Variants in TEX38 observed in about 807,000 individuals in gnomAD.
TEX38 encodes testis-expressed protein 38.
In TEX38, 5 loss-of-function variants were observed where a neutral mutation model predicts 2.7. The ratio of observed to expected loss-of-function variants is 1.86; its 90% confidence interval spans 0.97 to 3.90. The LOEUF is 3.90. TEX38 is among the 30% of genes most tolerant of loss of function. The pLI is 0.00. For missense variants in TEX38, 218 were observed against 247.9 expected (o/e 0.88, Z 0.81); for synonymous variants, 110 against 103.3 (o/e 1.06, Z -0.39).
rs768852574 is a variant in TEX38, at chr1:46,673,055, C to T, written c.220C>T (p.Arg74Cys). 2.1e-5 allele frequency: 32 copies of T among 1,551,750 alleles called. No homozygotes were observed. Among genetic ancestry groups the T allele is most frequent in the East Asian group, 2.4e-5 (1 of 40,918 alleles). Reference sequence around the variant, plus strand: ...GTTGTACTGGATTAACAAGCGACGGCGCTACGGCATGAATGCAGCCATCAA... The same window carrying T: ...GTTGTACTGGATTAACAAGCGACGGTGCTACGGCATGAATGCAGCCATCAA... ...PLLYWINKRR[R>C]YGMNAAINTG... Residue 74 changes from arginine (R) to cysteine (C), a missense_variant, in exon 2 of 2, where the codon CGC (arginine) becomes TGC (cysteine). Arg to Cys is a radical substitution (Grantham distance 180, BLOSUM62 -3). Coordinates refer to ENST00000334122, the MANE Select transcript of TEX38 (RefSeq NM_001145474.4).
At chr1:46,672,011 T>C (rs1407978492) in intron 1 of TEX38, 40 bp downstream of exon 1, 23 of 1,491,914 alleles carry the variant, frequency 1.5e-5, no homozygotes, top group Non-Finnish European at 2.0e-5. Flanking sequence ...ACTTGTGCCT[T>C]AGGGCTTGGG....
intron 1 of TEX38, among the ~76,000 whole-genome samples, chr1:46,672,250 T>TTC (rs1676596026): frequency 6.6e-6 from 1 of 151,760 alleles, no homozygotes; most frequent in East Asian, 1.9e-4. Flanking sequence ...CTTTCACTTT[T>TTC]TTTTTTTTTT....
chr1:46,672,606 T>G (rs1386902379), intron 1 of TEX38, among the ~76,000 whole-genome samples: 2 of 152,340 alleles, frequency 1.3e-5, no homozygotes, highest in East Asian at 3.9e-4. Context: ...GAGGCTTGAC[T>G]GAGCCTGGGC....
At chr1:46,670,210 G>A (rs1676563460), upstream of TEX38, among the ~76,000 whole-genome samples, 1 of 152,090 alleles carries the variant, frequency 6.6e-6, no homozygotes, top group Non-Finnish European at 1.5e-5. Flanking sequence ...TAAAGTGATA[G>A]TGATAAAAAA....
At chr1:46,671,103 C>A (rs1276292545), upstream of TEX38, among the ~76,000 whole-genome samples, 1 of 152,128 alleles carries the variant, frequency 6.6e-6, no homozygotes, top group East Asian at 1.9e-4. Flanking sequence ...TGATTCTGGG[C>A]AGTCTGTCAC....
rs561158564 is a variant in TEX38 at position 46,673,495 on chromosome 1, G to A, written c.*39G>A. 2.3e-5 allele frequency: 34 copies of A among 1,496,598 alleles called. No individual in the cohort carries two copies. In the South Asian group the frequency reaches 3.5e-4, roughly 15 times the overall value. 92.7% of individuals were successfully genotyped at this position (1,496,598 alleles called of 1,614,324 possible). ...AAGGTGGGAGCTGCAGGAATCAGGTGCAGAGTAGGAAATGGAACTAACCTC... is the reference window on the plus strand; with the variant it reads ...AAGGTGGGAGCTGCAGGAATCAGGTACAGAGTAGGAAATGGAACTAACCTC... On this transcript the variant is annotated 3_prime_UTR_variant, in exon 2 of 2. Transcript: ENST00000334122.
rs777283884 is a variant in TEX38 at position 46,673,343 on chromosome 1, G to C, written c.508G>C (p.Val170Leu). 7.1e-6 allele frequency: 11 copies of C among 1,551,668 alleles called. No individual in the cohort carries two copies. In the South Asian group the frequency reaches 9.5e-5, roughly 13 times the overall value. Residue 170 changes from valine to leucine, a missense_variant, in exon 2 of 2, where the codon GTC becomes CTC. Transcript: ENST00000334122. The part of the protein sequence containing the change: ...CNLPPLLNHS[V>L]SYPLATCPER... ...CCTACCCCCCCTGCTGAACCACTCT[G>C]TCTCCTATCCTTTGGCCACCTGTCC...
upstream of TEX38, among the ~76,000 whole-genome samples, chr1:46,670,852 G>A (rs948146778): frequency 6.6e-6 from 1 of 152,134 alleles, no homozygotes; most frequent in Non-Finnish European, 1.5e-5. Context: ...GCAACATACT[G>A]GGAAGGCTGA....
chr1:46,669,514 C>G (rs754600517), upstream of TEX38: 1 of 456,106 alleles, frequency 2.2e-6, no homozygotes, highest in Admixed American at 2.3e-5. Context: ...GACAACCCCT[C>G]CATCTCTTTA....
At chr1:46,670,726 G>GT (rs2148831001), upstream of TEX38, among the ~76,000 whole-genome samples, 1 of 152,270 alleles carries the variant, frequency 6.6e-6, no homozygotes, top group Admixed American at 6.5e-5. Flanking sequence ...GAGAACAAGG[G>GT]TAAGTGGACC....
At position 46,673,137 on chromosome 1, in the gene TEX38, T is replaced by G; in HGVS notation, c.302T>G (p.Val101Gly). ...KTETEVQNPD[V>G]LWDLDIPEGR... ...GAGACTGAGGTCCAGAATCCAGATG[T>G]TCTGTGGGATTTGGACATCCCCGAA... The change falls in exon 2 of 2, where the codon GTT becomes GGT. Residue 101 changes from valine (V) to glycine (G), a missense_variant. Physicochemically the swap from Val to Gly is moderately radical, Grantham distance 109. Coordinates refer to ENST00000334122, the MANE Select transcript of TEX38 (RefSeq NM_001145474.4). 1 of 1,551,640 alleles carries G rather than the reference T, an allele frequency of 6.4e-7. No homozygotes were observed. Among genetic ancestry groups the G allele is most frequent in the Non-Finnish European group, 8.7e-7 (1 of 1,146,958 alleles).
Position 46,673,066 on chromosome 1 carries a change from G to A in TEX38, c.231G>A (p.Met77Ile), listed in dbSNP as rs1221090719. ...TTAACAAGCGACGGCGCTACGGCAT[G>A]AATGCAGCCATCAACACGGGCCCTG... is the stretch of plus-strand genomic sequence containing the variant. ...YWINKRRRYG[M>I]NAAINTGPAP... The change falls in exon 2 of 2, where the codon ATG becomes ATA. Residue 77 changes from methionine (M) to isoleucine (I), a missense_variant. Coordinates refer to ENST00000334122, the MANE Select transcript of TEX38 (RefSeq NM_001145474.4). 11 of 1,551,782 alleles carry A rather than the reference G, an allele frequency of 7.1e-6. No individual in the cohort carries two copies. The highest frequency in any genetic ancestry group is 9.6e-6 in the Non-Finnish European group (11 of 1,147,014).
upstream of TEX38, chr1:46,671,828 A>T (rs2148831350): frequency 3.4e-6 from 4 of 1,166,038 alleles, 1 homozygote; most frequent in Non-Finnish European, 5.0e-6. Context: ...GGGCCTGGGC[A>T]TTCTGGAGAC....
chr1:46,670,054 A>G (rs1569653167), upstream of TEX38, among the ~76,000 whole-genome samples: 2 of 152,148 alleles, frequency 1.3e-5, no homozygotes, highest in Non-Finnish European at 2.9e-5. Flanking sequence ...AAGGGTGACT[A>G]ATTTATTCCA....
chr1:46,669,996 C>G (rs1676560920), upstream of TEX38, among the ~76,000 whole-genome samples: 2 of 152,140 alleles, frequency 1.3e-5, no homozygotes, highest in South Asian at 4.1e-4. Flanking sequence ...ATCATGCTGG[C>G]TGCTGGTGGG....
rs776783500 is a variant in TEX38, at chr1:46,673,321, AC to A, written c.493del (p.Leu165CysfsTer2). The A allele has an allele frequency of 7.5e-5, 117 of 1,549,980 alleles. 1 individual carries two copies. Among genetic ancestry groups the A allele is most frequent in the South Asian group, 2.6e-4 (22 of 83,956 alleles). On this transcript the variant is annotated frameshift_variant, in exon 2 of 2. Coordinates refer to ENST00000334122, the MANE Select transcript of TEX38 (RefSeq NM_001145474.4). LOFTEE classifies it high-confidence loss of function. ...VPFAPPLCNL[P>X]PLLNHSVSYP... ...CCTTTGCCCCACCCTTGTGCAACCT[AC>A]CCCCCCTGCTGAACCACTCTGTCTC...
In TEX38 at chr1:46,671,927, T is replaced by C; in HGVS notation, c.-8T>C. 1 of 1,550,820 alleles carries C rather than the reference T, an allele frequency of 6.4e-7. No homozygotes were observed. Among genetic ancestry groups the C allele is most frequent in the Non-Finnish European group, 8.7e-7 (1 of 1,146,542 alleles). The stretch of plus-strand genomic sequence containing the variant: ...AGAGCCATCGGCCAGGTACCAAAGC[T>C]CAGCTGTATGGATTCCCAACAGGAG... On this transcript the variant is annotated 5_prime_UTR_variant, in exon 1 of 2. Coordinates refer to ENST00000334122, the MANE Select transcript of TEX38 (RefSeq NM_001145474.4).
At chr1:46,671,086 G>A (rs1173617311), upstream of TEX38, among the ~76,000 whole-genome samples, 1 of 151,998 alleles carries the variant, frequency 6.6e-6, no homozygotes, top group Non-Finnish European at 1.5e-5. Context: ...TCAAATTGGC[G>A]ATGATATGAT....
Position 46,673,110 on chromosome 1 carries a change from C to T in TEX38, c.275C>T (p.Thr92Ile), listed in dbSNP as rs776131772. 61 of 1,551,636 alleles carry T rather than the reference C, an allele frequency of 3.9e-5. No homozygotes were observed. The highest frequency in any genetic ancestry group is 5.0e-5 in the Non-Finnish European group (57 of 1,146,994). Residue 92 changes from threonine (T) to isoleucine (I), a missense_variant, in exon 2 of 2, where the codon ACT (threonine) becomes ATT (isoleucine). By Grantham distance (89) the Thr-to-Ile change is moderately conservative. Coordinates refer to ENST00000334122, the MANE Select transcript of TEX38 (RefSeq NM_001145474.4). The part of the protein sequence containing the change: ...NTGPAPAVTK[T>I]ETEVQNPDVL... ...GGCCCTGCCCCTGCTGTCACCAAGA[C>T]TGAGACTGAGGTCCAGAATCCAGAT...
Sources: allele counts gnomAD v4.1 joint callset (sites outside exome capture counted in the v4.1 genomes callset), GRCh38; gene constraint gnomAD v4.1.1; transcripts MANE v1.5; gene names NCBI Gene and HGNC (gene_info 2026-07-23, HGNC 2026-07-21).